The following LAMC3 variants were observed in gnomAD, a reference collection of about 807,000 sequenced individuals.
The protein encoded by LAMC3 is laminin subunit gamma 3.
LAMC3 carries 128 observed loss-of-function variants against 173.8 expected under a neutral mutation model. The observed-to-expected ratio is 0.74, with a 90% CI of 0.64 to 0.85. LAMC3 has a LOEUF of 0.85. LAMC3 is among the 40% of genes least tolerant of loss of function. The pLI is 0.00. For missense variants in LAMC3, 2,022 were observed against 2,156.0 expected (o/e 0.94, Z 1.23); for synonymous variants, 897 against 909.1 (o/e 0.99, Z 0.24).
chr9:131,081,662 A>G (rs1368161547), intron 23 of LAMC3, among the ~76,000 whole-genome samples: 2 of 152,250 alleles, frequency 1.3e-5, no homozygotes, highest in South Asian at 2.1e-4. Context: ...TTTAGTAGAG[A>G]CAGGGTTTCA....
intron 1 of LAMC3, among the ~76,000 whole-genome samples, chr9:131,013,328 TG>T (rs1354223707): frequency 3.3e-5 from 5 of 152,078 alleles, no homozygotes; most frequent in Non-Finnish European, 5.9e-5. Flanking sequence ...TTCGGTGGGC[TG>T]GGGGAGTCTC....
chr9:131,031,752 C>G (rs968239584), intron 2 of LAMC3, among the ~76,000 whole-genome samples: 2 of 152,226 alleles, frequency 1.3e-5, no homozygotes, highest in African/African-American at 2.4e-5. Flanking sequence ...TACCCTCCCC[C>G]AGACATGTTT....
Position 131,055,485 on chromosome 9 carries a change from C to T in LAMC3, c.1940-1444C>T, listed in dbSNP as rs562931478. 4.5e-5 allele frequency among the ~76,000 whole-genome samples: 6 copies of T among 133,504 alleles called. No individual in the cohort carries two copies. In the East Asian group the frequency reaches 1.3e-3, roughly 29 times the overall value. The allele number at this position is 133,504 out of a possible 152,430, so 87.6% of individuals were successfully genotyped here. On this transcript the variant is annotated intron_variant, in intron 11 of 27. Transcript: ENST00000361069. ...TGTCACCCAGGCTGGAGTGCAGTGG[C>T]ATGATCTCTGCTCACTGCAAGCTCC...
intron 1 of LAMC3, among the ~76,000 whole-genome samples, chr9:131,018,577 G>A (rs1833569701): frequency 6.6e-6 from 1 of 152,166 alleles, no homozygotes; most frequent in Non-Finnish European, 1.5e-5. Flanking sequence ...TGTCATCCTT[G>A]ACTGTTAGCT....
At chr9:131,044,104 A>G (rs1421920054) in intron 7 of LAMC3, among the ~76,000 whole-genome samples, 2 of 151,566 alleles carry the variant, frequency 1.3e-5, no homozygotes, top group Non-Finnish European at 2.9e-5. Flanking sequence ...GATTATAGGC[A>G]CCCACCACCA....
intron 15 of LAMC3, 105 bp from the exon 16 acceptor site, chr9:131,068,803 C>A: frequency 7.9e-7 from 1 of 1,267,544 alleles, no homozygotes. Context: ...GGGGTCTTGT[C>A]AGCAGAGGGC....
In LAMC3 at chr9:131,073,285, G is replaced by C; in HGVS notation, c.3458G>C (p.Ser1153Thr). ...QEGPSQPTKWSHLATEARALA... is the reference protein window; with the variant it reads ...QEGPSQPTKWTHLATEARALA... The stretch of plus-strand genomic sequence containing the variant: ...GGTCCCAGTCAGCCGACCAAATGGA[G>C]CCACCTGGCCACAGAGGCCCGTGCC... Residue 1153 changes from serine to threonine, a missense_variant, in exon 20 of 28, where the codon AGC becomes ACC. By Grantham distance (58) the Ser-to-Thr change is moderately conservative (BLOSUM62 1). Coordinates refer to ENST00000361069, the MANE Select transcript of LAMC3 (RefSeq NM_006059.4). 6.2e-7 allele frequency: 1 copy of C among 1,613,812 alleles called. No homozygotes were observed. The highest frequency in any genetic ancestry group is 8.5e-7 in the Non-Finnish European group (1 of 1,179,974).
At chr9:131,089,617 G>A (rs1469309004) in intron 27 of LAMC3, among the ~76,000 whole-genome samples, 1 of 150,956 alleles carries the variant, frequency 6.6e-6, no homozygotes, top group Non-Finnish European at 1.5e-5. Flanking sequence ...CAAACTACTG[G>A]GCTCAAGTGA....
At chr9:131,055,283 G>A (rs1352440581) in intron 11 of LAMC3, among the ~76,000 whole-genome samples, 1 of 152,068 alleles carries the variant, frequency 6.6e-6, no homozygotes, top group Non-Finnish European at 1.5e-5. Flanking sequence ...GTCTACAGAT[G>A]GTCATTTTCA....
intron 11 of LAMC3, among the ~76,000 whole-genome samples, chr9:131,053,548 A>G (rs1277081375): frequency 2.6e-5 from 4 of 152,140 alleles, no homozygotes; most frequent in African/African-American, 4.8e-5. Context: ...TTAAAAATCA[A>G]TATAGGTCGG....
intron 9 of LAMC3, among the ~76,000 whole-genome samples, chr9:131,051,079 A>T (rs540358377): frequency 6.6e-6 from 1 of 152,314 alleles, no homozygotes; most frequent in African/African-American, 2.4e-5. Flanking sequence ...GGGCAGAGGG[A>T]CACAGGGACT....
intron 11 of LAMC3, 49 bp downstream of exon 11, chr9:131,053,014 C>A: frequency 7.3e-7 from 1 of 1,363,024 alleles, no homozygotes; most frequent in Non-Finnish European, 1.0e-6. Context: ...TGCCAGGTCT[C>A]AGAACTGGGC....
intron 12 of LAMC3, among the ~76,000 whole-genome samples, chr9:131,058,725 C>G (rs1204083540): frequency 6.6e-6 from 1 of 151,488 alleles, no homozygotes; most frequent in Admixed American, 6.6e-5. Flanking sequence ...GAAACCCCAT[C>G]TCTACTAAAA....
intron 7 of LAMC3, among the ~76,000 whole-genome samples, chr9:131,044,257 A>C (rs1466923263): frequency 6.6e-6 from 1 of 150,772 alleles, no homozygotes. Context: ...CATGCCTGTA[A>C]TCCCAGCACT....
In LAMC3 at chr9:131,082,179, AC is replaced by A; in HGVS notation, c.4030+20del. 6.3e-7 allele frequency: 1 copy of A among 1,582,938 alleles called. No individual in the cohort carries two copies. Among genetic ancestry groups the A allele is most frequent in the African/African-American group, 1.3e-5 (1 of 74,412 alleles). On this transcript the variant is annotated intron_variant, in intron 24 of 27. Transcript: ENST00000361069. ...TCTGGAAGGTACGTGAGTCCAGCTGACCACTAGGCTGTGTAATGACGAACGC... is the reference window on the plus strand; with the variant it reads ...TCTGGAAGGTACGTGAGTCCAGCTGACACTAGGCTGTGTAATGACGAACGC...
intron 27 of LAMC3, among the ~76,000 whole-genome samples, chr9:131,088,726 A>G (rs1486085693): frequency 4.6e-5 from 7 of 152,118 alleles, no homozygotes; most frequent in African/African-American, 1.7e-4. Context: ...CTGAAACACT[A>G]ACCCCCCATT....
At chr9:131,039,802 G>C (rs1834014229) in intron 6 of LAMC3, among the ~76,000 whole-genome samples, 1 of 151,906 alleles carries the variant, frequency 6.6e-6, no homozygotes, top group African/African-American at 2.4e-5. Flanking sequence ...TGGATAGCAG[G>C]GCACGCAGTG....
At chr9:131,048,146 T>C (rs769328354) in intron 8 of LAMC3, among the ~76,000 whole-genome samples, 14 of 135,044 alleles carry the variant, frequency 1.0e-4, no homozygotes, top group Non-Finnish European at 1.5e-4. Context: ...AACCTCCGCC[T>C]CTCGGGTTCA....
rs142796007 is a variant in LAMC3 at position 131,052,559 on chromosome 9, G to A, written c.1699G>A (p.Gly567Arg). The change falls in exon 10 of 28, where the codon GGG becomes AGG. Residue 567 changes from glycine (G) to arginine (R), a missense_variant. Physicochemically the swap from Gly to Arg is moderately radical, Grantham distance 125. Transcript: ENST00000361069. ...CATACTGACCTTCCGGGTGCCCCCC[G>A]GGGACTCCCCACTCCCTGTACAGCT... ...PLILTFRVPPGDSPLPVQLRL... is the reference protein window; with the variant it reads ...PLILTFRVPPRDSPLPVQLRL... 349 of 1,613,922 alleles carry A rather than the reference G, an allele frequency of 2.2e-4. 1 individual carries two copies. The highest frequency in any genetic ancestry group is 3.7e-4 in the South Asian group (34 of 91,074).
Sources: gnomAD v4.1 joint callset for allele counts (sites outside exome capture counted in the v4.1 genomes callset) on GRCh38, gnomAD v4.1.1 for gene constraint, MANE v1.5 for transcripts, NCBI Gene and HGNC (gene_info 2026-07-23, HGNC 2026-07-21) for gene names.